NCKAP5: variants seen among roughly 807,000 people sequenced by gnomAD.
NCKAP5 encodes NCK associated protein 5, also known as nck-associated protein 5.
NCKAP5 carries 92 observed loss-of-function variants against 167.0 expected under a neutral mutation model. The observed-to-expected ratio is 0.55, with a 90% CI of 0.47 to 0.66. The LOEUF is 0.66. Among genes scored for constraint, NCKAP5 ranks in the 30% least tolerant of loss-of-function variants. NCKAP5 has a pLI of 0.00. For missense variants in NCKAP5, 2,378 were observed against 2,315.0 expected (o/e 1.03, Z -0.56); for synonymous variants, 891 against 877.4 (o/e 1.02, Z -0.27).
chr2:132,731,122 A>T (rs1188810805), intron 17 of NCKAP5, among the ~76,000 whole-genome samples: 1 of 152,194 alleles, frequency 6.6e-6, no homozygotes, highest in Non-Finnish European at 1.5e-5. Flanking sequence ...GGGCTGCAAT[A>T]CACATTTTTA....
rs1013114517 is a variant in NCKAP5, at chr2:133,464,064, C to T, written c.69+53394G>A. Among the ~76,000 whole-genome samples, 6 of 152,248 alleles carry T rather than the reference C, an allele frequency of 3.9e-5. No individual in the cohort carries two copies. The East Asian group carries it at 1.2e-3, about 29-fold the overall frequency. On this transcript the variant is annotated intron_variant, in intron 3 of 19. Coordinates refer to ENST00000409261, the MANE Select transcript of NCKAP5 (RefSeq NM_207363.3). Reference sequence around the variant, plus strand: ...CAAACAGCACGGGGGAGCCTGCATGCCCCAACTTTCCATCAACGGGCTCTG... The same window carrying T: ...CAAACAGCACGGGGGAGCCTGCATGTCCCAACTTTCCATCAACGGGCTCTG...
intron 15 of NCKAP5, among the ~76,000 whole-genome samples, chr2:132,780,703 GAT>G (rs986885695): frequency 6.6e-6 from 1 of 152,174 alleles, no homozygotes; most frequent in African/African-American, 2.4e-5. Context: ...GGTGGCAGGT[GAT>G]GTTAGAAATA....
chr2:133,362,751 G>A (rs1171011527), intron 3 of NCKAP5, among the ~76,000 whole-genome samples: 1 of 87,090 alleles, frequency 1.1e-5, no homozygotes, highest in Non-Finnish European at 2.3e-5. Context: ...GTATTTCTTT[G>A]TTGTTGTTGT....
In NCKAP5 at chr2:132,725,749, G is replaced by T. The variant is rs1253694236; in HGVS notation, c.5591C>A (p.Pro1864His). 6.2e-7 allele frequency: 1 copy of T among 1,613,000 alleles called. No homozygotes were observed. ...VAATGTQDKA[P>H]RMCTYSASGG... ...GCTGGCAGAGTACGTACACATTCTG[G>T]GTGCCTTGTCCTAAATGAGTAATAT... Residue 1864 changes from proline (P) to histidine (H), a missense_variant, in exon 19 of 20, where the codon CCC becomes CAC. Around this residue, in one of 3 missense-constraint regions of NCKAP5, gnomAD observed 1,325 missense variants for 1,274.5 expected, o/e 1.04. Coordinates refer to ENST00000409261, the MANE Select transcript of NCKAP5 (RefSeq NM_207363.3).
chr2:133,160,435 T>TC (rs2083747234), intron 5 of NCKAP5, among the ~76,000 whole-genome samples: 3 of 84,236 alleles, frequency 3.6e-5, no homozygotes, highest in South Asian at 3.7e-4. Context: ...TTTCCTTTCT[T>TC]TTTCTTTTTT....
intron 3 of NCKAP5, among the ~76,000 whole-genome samples, chr2:133,502,275 C>T (rs1235032988): frequency 1.3e-5 from 2 of 152,198 alleles, no homozygotes; most frequent in African/African-American, 2.4e-5. Flanking sequence ...TCTGACATGA[C>T]AGTGACCCTT....
intron 4 of NCKAP5, among the ~76,000 whole-genome samples, chr2:133,291,757 C>T (rs2150518472): frequency 6.6e-6 from 1 of 152,352 alleles, no homozygotes; most frequent in African/African-American, 2.4e-5. Flanking sequence ...CTCCAAAAGA[C>T]GTTTGCGTTC....
chr2:133,146,826 A>G (rs371613413), intron 5 of NCKAP5, among the ~76,000 whole-genome samples: 1 of 152,146 alleles, frequency 6.6e-6, no homozygotes, highest in African/African-American at 2.4e-5. Flanking sequence ...AAAAGCCCTC[A>G]CGTGCATACA....
intron 18 of NCKAP5, among the ~76,000 whole-genome samples, chr2:132,728,035 G>A (rs1375669933): frequency 6.6e-6 from 1 of 152,218 alleles, no homozygotes; most frequent in Non-Finnish European, 1.5e-5. Context: ...AAAGTGGGAA[G>A]GGCCAAGGAG....
chr2:133,057,622 G>A (rs2079850292), intron 6 of NCKAP5, among the ~76,000 whole-genome samples: 1 of 152,222 alleles, frequency 6.6e-6, no homozygotes, highest in Non-Finnish European at 1.5e-5. Flanking sequence ...TGAGAGAGGT[G>A]AAGAAGTTGC....
At chr2:133,133,450 A>G (rs1366205190) in intron 5 of NCKAP5, among the ~76,000 whole-genome samples, 1 of 152,152 alleles carries the variant, frequency 6.6e-6, no homozygotes, top group Non-Finnish European at 1.5e-5. Context: ...TCTCTTAGCA[A>G]AGATCTCAAA....
intron 3 of NCKAP5, among the ~76,000 whole-genome samples, chr2:133,325,664 C>T (rs754961869): frequency 6.6e-6 from 1 of 152,202 alleles, no homozygotes; most frequent in African/African-American, 2.4e-5. Flanking sequence ...CAGCTCTGTG[C>T]ACTCTATCTG....
At chr2:133,635,075 T>C in the NCKAP5 span, among the ~76,000 whole-genome samples, 31 of 152,190 alleles carry the variant, frequency 2.0e-4, 3 homozygotes, top group Admixed American at 1.1e-3. Context: ...GGTTTCACCA[T>C]GTTGGCTAGG....
chr2:133,583,304 G>A, the NCKAP5 span, among the ~76,000 whole-genome samples: 5 of 152,070 alleles, frequency 3.3e-5, no homozygotes, highest in Admixed American at 6.6e-5. Context: ...TCCCTTGGTG[G>A]TGGGTGAGTT....
chr2:132,951,948 A>G (rs2076200972), intron 8 of NCKAP5, among the ~76,000 whole-genome samples: 1 of 152,188 alleles, frequency 6.6e-6, no homozygotes, highest in Non-Finnish European at 1.5e-5. Context: ...AAAAACAAAC[A>G]AACAAGATTT....
chr2:132,939,818 G>A (rs1247824484), intron 8 of NCKAP5, among the ~76,000 whole-genome samples: 5 of 152,012 alleles, frequency 3.3e-5, no homozygotes, highest in Non-Finnish European at 5.9e-5. Context: ...TGGTCAACAT[G>A]GTGAAATCCT....
At chr2:133,458,282 GA>G (rs1265847843) in intron 3 of NCKAP5, among the ~76,000 whole-genome samples, 1 of 152,104 alleles carries the variant, frequency 6.6e-6, no homozygotes, top group Non-Finnish European at 1.5e-5. Flanking sequence ...AAGAGCATGG[GA>G]AAATGAAACT....
chr2:132,804,029 T>C (rs1685239180), intron 11 of NCKAP5, among the ~76,000 whole-genome samples: 1 of 152,198 alleles, frequency 6.6e-6, no homozygotes. Context: ...TAGCTCTTCC[T>C]GCAGAGCTCC....
chr2:132,883,330 G>A (rs1691937865), intron 8 of NCKAP5, among the ~76,000 whole-genome samples: 1 of 151,462 alleles, frequency 6.6e-6, no homozygotes, highest in Non-Finnish European at 1.5e-5. Context: ...TTTATTAGTT[G>A]CATACTTCCT....
Sources: allele counts gnomAD v4.1 joint callset (sites outside exome capture counted in the v4.1 genomes callset), GRCh38; gene constraint gnomAD v4.1.1; regional missense constraint gnomAD v4.1.1; transcripts MANE v1.5; gene names NCBI Gene and HGNC (gene_info 2026-07-23, HGNC 2026-07-21).